SMARCC1: variants seen among roughly 807,000 people sequenced by gnomAD.
The protein encoded by SMARCC1 is SWI/SNF related BAF chromatin remodeling complex subunit C1.
Under a neutral mutation model 147.4 loss-of-function variants are expected in SMARCC1, and 43 were observed. The ratio of observed to expected loss-of-function variants is 0.29; its 90% CI spans 0.23 to 0.38. SMARCC1 has a LOEUF of 0.38. Ranked by LOEUF, SMARCC1 falls within the 10% of genes least tolerant of loss-of-function variation. SMARCC1 has a pLI of 1.00. For missense variants in SMARCC1, 1,119 were observed against 1,381.1 expected (o/e 0.81, Z 3.01); for synonymous variants, 495 against 484.4 (o/e 1.02, Z -0.29).
chr3:47,753,160 A>G lies in SMARCC1; in HGVS notation c.316-7167T>C, dbSNP rs1189342851. On this transcript the variant is annotated intron_variant, in intron 2 of 27. Transcript: ENST00000254480. ...GGAGTCTGAGACAATCCTGGCCAACATGGTAAAACCCCATCTTAGTCGGAC... is the reference window on the plus strand; with the variant it reads ...GGAGTCTGAGACAATCCTGGCCAACGTGGTAAAACCCCATCTTAGTCGGAC... 4.0e-5 allele frequency among the ~76,000 whole-genome samples: 6 copies of G among 151,886 alleles called. No individual in the cohort carries two copies. In the South Asian group the frequency reaches 8.3e-4, roughly 21 times the overall value.
rs1284452887 is a variant in SMARCC1, at chr3:47,767,241, TTC to T, written c.315+5574_315+5575del. On this transcript the variant is annotated intron_variant, in intron 2 of 27. Transcript: ENST00000254480. ...CACTCTGATTTTTTTCTTTTCCTTT[TTC>T]TCTTTTTTTTTTTGAGATGGAGTTT... Among the ~76,000 whole-genome samples, 8 of 148,580 alleles carry T rather than the reference TTC, an allele frequency of 5.4e-5. No homozygotes were observed. The South Asian group carries it at 1.3e-3, about 24-fold the overall frequency.
At chr3:47,608,339 G>A (rs1338199545) in intron 26 of SMARCC1, among the ~76,000 whole-genome samples, 3 of 152,034 alleles carry the variant, frequency 2.0e-5, no homozygotes, top group African/African-American at 4.8e-5. Context: ...CGCCCGCCTC[G>A]GCCTCCCAAA....
At chr3:47,658,367 C>G (rs898830968) in intron 21 of SMARCC1, among the ~76,000 whole-genome samples, 5 of 152,092 alleles carry the variant, frequency 3.3e-5, no homozygotes, top group Admixed American at 2.6e-4. Context: ...TGCAACCATC[C>G]CCATGGTAAA....
chr3:47,672,424 T>C (rs577359116), intron 18 of SMARCC1, among the ~76,000 whole-genome samples: 2 of 152,172 alleles, frequency 1.3e-5, no homozygotes, highest in South Asian at 4.1e-4. Context: ...GCCAGGATGG[T>C]CTCGATCTCC....
At chr3:47,615,137 C>T (rs1038912800) in intron 25 of SMARCC1, among the ~76,000 whole-genome samples, 48 of 152,196 alleles carry the variant, frequency 3.2e-4, no homozygotes, top group African/African-American at 1.2e-3. Context: ...CCCGACTCAG[C>T]CCATAACATA....
chr3:47,752,903 A>G (rs964155756), intron 2 of SMARCC1, among the ~76,000 whole-genome samples: 15 of 152,120 alleles, frequency 9.9e-5, no homozygotes, highest in Non-Finnish European at 2.9e-5. Context: ...TCTACTCTCA[A>G]CTGTGTGACC....
chr3:47,618,951 A>G (rs555128708), intron 25 of SMARCC1, among the ~76,000 whole-genome samples: 1 of 152,308 alleles, frequency 6.6e-6, no homozygotes, highest in South Asian at 2.1e-4. Context: ...CTACCCAACC[A>G]TCATTTGAAT....
rs529342638 is a variant in SMARCC1, at chr3:47,735,797, C to T, written c.576+237G>A. Among the ~76,000 whole-genome samples, 104 of 151,578 alleles carry T rather than the reference C, an allele frequency of 6.9e-4. No individual in the cohort carries two copies. The Middle Eastern group carries it at 0.01, about 15-fold the overall frequency. On this transcript the variant is annotated intron_variant, in intron 5 of 27. Transcript: ENST00000254480. The stretch of plus-strand genomic sequence containing the variant: ...TGGAAGATCTCTTGAGCCCAGAAGT[C>T]CAAAGCTACAGTGAGCAAGGATGCT...
chr3:47,643,053 GCAAA>G (rs1035838907), intron 21 of SMARCC1, among the ~76,000 whole-genome samples: 44 of 152,206 alleles, frequency 2.9e-4, no homozygotes, highest in African/African-American at 1.0e-3. Context: ...CTGAAAGCAA[GCAAA>G]CAAATAAATA....
chr3:47,682,539 G>A (rs947451747), intron 14 of SMARCC1, among the ~76,000 whole-genome samples: 33 of 152,172 alleles, frequency 2.2e-4, no homozygotes, highest in African/African-American at 7.7e-4. Context: ...TTACAGACAA[G>A]AGCCATAGCA....
Position 47,628,217 on chromosome 3 carries a change from C to T in SMARCC1, c.2647-5876G>A, listed in dbSNP as rs535215254. Among the ~76,000 whole-genome samples the T allele has an allele frequency of 3.0e-4, 46 of 152,270 alleles. No homozygotes were observed. In the South Asian group the frequency reaches 9.3e-3, roughly 31 times the overall value. On this transcript the variant is annotated intron_variant, in intron 24 of 27. Coordinates refer to ENST00000254480, the MANE Select transcript of SMARCC1 (RefSeq NM_003074.4). ...ACTTACTTGTCCCACAATTTCCTAACCAAGCTCTTTATGACCTTTCAGGAA... is the reference window on the plus strand; with the variant it reads ...ACTTACTTGTCCCACAATTTCCTAATCAAGCTCTTTATGACCTTTCAGGAA...
At chr3:47,631,550 C>A (rs775347714) in intron 24 of SMARCC1, among the ~76,000 whole-genome samples, 7 of 152,150 alleles carry the variant, frequency 4.6e-5, no homozygotes, top group Non-Finnish European at 8.8e-5. Flanking sequence ...CTGCTTACAC[C>A]CACACACCAC....
intron 3 of SMARCC1, 33 bp from the exon 4 acceptor site, chr3:47,738,143 C>T: frequency 6.9e-7 from 1 of 1,443,724 alleles, no homozygotes; most frequent in Non-Finnish European, 9.4e-7. Context: ...GTTAATTTGT[C>T]TCCCAGCTTA....
At chr3:47,736,277 TAAG>T (rs1354097710) in intron 4 of SMARCC1, 151 bp from the exon 5 acceptor site, 2 of 552,420 alleles carry the variant, frequency 3.6e-6, no homozygotes, top group African/African-American at 2.0e-5. Context: ...ACTTTTTCAT[TAAG>T]ATACCATACC....
rs72918733 is a variant in SMARCC1 at position 47,682,350 on chromosome 3, C to T, written c.1386-1842G>A. Among the ~76,000 whole-genome samples the T allele has an allele frequency of 2.5e-3, 385 of 151,896 alleles. 3 individuals are homozygous for T. The highest frequency in any genetic ancestry group is 8.1e-3 in the African/African-American group (336 of 41,450). On this transcript the variant is annotated intron_variant, in intron 14 of 27. Transcript: ENST00000254480. Reference sequence around the variant, plus strand: ...AGTTCAGTGACAAGATCATAGCTAGCTCACTGTAACCTAGAACTCCTAAGC... The same window carrying T: ...AGTTCAGTGACAAGATCATAGCTAGTTCACTGTAACCTAGAACTCCTAAGC...
At chr3:47,682,976 T>C (rs113032168) in intron 14 of SMARCC1, among the ~76,000 whole-genome samples, 2 of 152,348 alleles carry the variant, frequency 1.3e-5, no homozygotes, top group South Asian at 2.1e-4. Context: ...TGTTCAAAGA[T>C]ATGCACTTAT....
intron 19 of SMARCC1, 38 bp downstream of exon 19, chr3:47,670,620 A>G: frequency 8.1e-7 from 1 of 1,227,516 alleles, no homozygotes; most frequent in Middle Eastern, 1.9e-4. Flanking sequence ...CTAGTCAAAG[A>G]ATCTTAGCAC....
chr3:47,666,337 T>C (rs1387038544), intron 19 of SMARCC1, among the ~76,000 whole-genome samples: 2 of 152,212 alleles, frequency 1.3e-5, no homozygotes, highest in East Asian at 3.9e-4. Flanking sequence ...GACATACCTC[T>C]AATCATAAAG....
intron 14 of SMARCC1, among the ~76,000 whole-genome samples, chr3:47,684,787 T>C (rs1296944928): frequency 1.3e-5 from 2 of 152,090 alleles, no homozygotes; most frequent in Non-Finnish European, 2.9e-5. Flanking sequence ...TCTGTGGAGT[T>C]TGTGTTCCAA....
Sources: allele counts gnomAD v4.1 joint callset (sites outside exome capture counted in the v4.1 genomes callset), GRCh38; gene constraint gnomAD v4.1.1; transcripts MANE v1.5; gene names NCBI Gene and HGNC (gene_info 2026-07-23, HGNC 2026-07-21).